Variants in ZCCHC2 observed in about 807,000 individuals in gnomAD.
ZCCHC2 encodes zinc finger CCHC domain-containing protein 2.
Under a neutral mutation model 103.6 loss-of-function variants are expected in ZCCHC2, and 39 were observed. That is an observed-to-expected ratio of 0.38 (90% CI 0.29 to 0.49). ZCCHC2 has a LOEUF of 0.49. Among genes scored for constraint, ZCCHC2 ranks in the 20% least tolerant of loss-of-function variants. The pLI, the probability that ZCCHC2 is intolerant of heterozygous loss-of-function variation, is 0.96. For synonymous variants in ZCCHC2, 687 were observed against 608.9 expected (o/e 1.13, Z -1.89); for missense variants, 1,483 against 1,491.0 (o/e 0.99, Z 0.09).
rs1407915109 is a variant in ZCCHC2, at chr18:62,523,919, A to T, written c.495A>T (p.Arg165=). 1 of 1,533,546 alleles carries T rather than the reference A, an allele frequency of 6.5e-7. No individual in the cohort carries two copies. Among genetic ancestry groups the T allele is most frequent in the Non-Finnish European group, 8.7e-7 (1 of 1,143,348 alleles). The allele number at this position is 1,533,546 out of a possible 1,614,324, so 95.0% of individuals were successfully genotyped here. The change falls in exon 1 of 14, where the codon CGA becomes CGT. Residue 165 remains arginine, a synonymous_variant. Coordinates refer to ENST00000269499, the MANE Select transcript of ZCCHC2 (RefSeq NM_017742.6). The stretch of plus-strand genomic sequence containing the variant: ...ACCCGGGGCCGCTGGCCGACTTCCG[A>T]GAGCCCGCGGTGCGCTCGCGCCTCA... ...LSDPGPLADF[R]EPAVRSRLIV...
Position 62,560,578 on chromosome 18 carries a change from C to G in ZCCHC2, c.1493-9C>G, listed in dbSNP as rs1167766676. 3 of 1,609,544 alleles carry G rather than the reference C, an allele frequency of 1.9e-6. No individual in the cohort carries two copies. Among genetic ancestry groups the G allele is most frequent in the Non-Finnish European group, 1.7e-6 (2 of 1,177,696 alleles). ...TTAGTGTAATAAGTTACTTTTTCCT[C>G]TCTTCTAGATGTGTTGCAGCATGCC... On this transcript the variant is annotated splice_polypyrimidine_tract_variant and intron_variant, in intron 7 of 13. Transcript: ENST00000269499.
At chr18:62,550,844 G>C (rs940490996) in intron 5 of ZCCHC2, among the ~76,000 whole-genome samples, 3 of 152,196 alleles carry the variant, frequency 2.0e-5, no homozygotes. Flanking sequence ...GGGCAGCCCT[G>C]CTTTCCAGCA....
chr18:62,527,851 T>A (rs994888081), intron 1 of ZCCHC2, among the ~76,000 whole-genome samples: 4 of 152,222 alleles, frequency 2.6e-5, no homozygotes, highest in Non-Finnish European at 1.5e-5. Flanking sequence ...AACAAAAAAA[T>A]GCCTATGTAT....
chr18:62,528,458 G>T (rs1914533109), intron 1 of ZCCHC2, among the ~76,000 whole-genome samples: 1 of 152,146 alleles, frequency 6.6e-6, no homozygotes. Context: ...AGTTAGCCGG[G>T]CATGGTGGCA....
rs1305880273 is a variant in ZCCHC2, at chr18:62,558,683, G to T, written c.1409-4G>T. The T allele has an allele frequency of 6.7e-6, 10 of 1,493,184 alleles. No homozygotes were observed. The highest frequency in any genetic ancestry group is 2.4e-5 in the Admixed American group (1 of 42,450). The allele number at this position is 1,493,184 out of a possible 1,614,324, so 92.5% of individuals were successfully genotyped here. On this transcript the variant is annotated splice_polypyrimidine_tract_variant and splice_region_variant and intron_variant, in intron 6 of 13. Transcript: ENST00000269499. Reference sequence around the variant, plus strand: ...AAGTTAATAGTATTGAATGCTTCCTGCAGATAACTTACAATCCTCTCTGAA... The same window carrying T: ...AAGTTAATAGTATTGAATGCTTCCTTCAGATAACTTACAATCCTCTCTGAA...
chr18:62,536,210 G>A (rs189763345), intron 1 of ZCCHC2, among the ~76,000 whole-genome samples: 11 of 152,334 alleles, frequency 7.2e-5, no homozygotes, highest in Admixed American at 2.0e-4. Flanking sequence ...ACCACATGCC[G>A]TGTAGGTTTG....
intron 3 of ZCCHC2, among the ~76,000 whole-genome samples, chr18:62,543,306 A>C (rs564011496): frequency 2.0e-5 from 3 of 152,138 alleles, no homozygotes; most frequent in Non-Finnish European, 4.4e-5. Context: ...TTTCTCCTTC[A>C]TCCATGATAC....
chr18:62,552,324 A>C (rs1568548284), intron 5 of ZCCHC2: 1 of 152,188 alleles, frequency 6.6e-6, no homozygotes, highest in African/African-American at 2.4e-5. Flanking sequence ...GGTGTCTTTG[A>C]TATGAAAAGG....
At chr18:62,576,176 A>G (rs1011884444) in intron 13 of ZCCHC2, among the ~76,000 whole-genome samples, 7 of 152,242 alleles carry the variant, frequency 4.6e-5, no homozygotes, top group Non-Finnish European at 7.3e-5. Flanking sequence ...TGTTTGAGTA[A>G]GATACCAAAT....
intron 1 of ZCCHC2, among the ~76,000 whole-genome samples, chr18:62,529,652 C>T (rs1255788936): frequency 6.6e-6 from 1 of 152,118 alleles, no homozygotes; most frequent in Middle Eastern, 3.2e-3. Flanking sequence ...ATCCTGAGTT[C>T]CTTCCCCAGT....
chr18:62,546,224 A>AT (rs1915402003), intron 4 of ZCCHC2, among the ~76,000 whole-genome samples: 1 of 152,186 alleles, frequency 6.6e-6, no homozygotes, highest in Non-Finnish European at 1.5e-5. Flanking sequence ...TGCTGTGCTC[A>AT]GTCATGGTAA....
intron 12 of ZCCHC2, among the ~76,000 whole-genome samples, chr18:62,573,181 C>G (rs1261302208): frequency 1.3e-5 from 2 of 152,216 alleles, no homozygotes; most frequent in Admixed American, 6.5e-5. Flanking sequence ...CTTATCCATA[C>G]AAGCAGAAAG....
chr18:62,528,059 A>T (rs1568535731), intron 1 of ZCCHC2, among the ~76,000 whole-genome samples: 2 of 152,252 alleles, frequency 1.3e-5, no homozygotes, highest in Admixed American at 1.3e-4. Flanking sequence ...GTGGTTATTG[A>T]TTAATATGGT....
intron 1 of ZCCHC2, among the ~76,000 whole-genome samples, chr18:62,536,413 T>C (rs994878038): frequency 1.3e-5 from 2 of 152,012 alleles, no homozygotes; most frequent in Non-Finnish European, 2.9e-5. Flanking sequence ...CCTGACACTT[T>C]TCTCCAACTA....
chr18:62,551,900 A>G (rs550430539), intron 5 of ZCCHC2: 119 of 152,342 alleles, frequency 7.8e-4, no homozygotes, highest in African/African-American at 2.6e-3. Flanking sequence ...GAGGTGGCCC[A>G]GTTTGGAAAG....
At chr18:62,524,735 G>C (rs1401020888) in intron 1 of ZCCHC2, 4 of 221,198 alleles carry the variant, frequency 1.8e-5, no homozygotes, top group Non-Finnish European at 2.6e-5. Context: ...GCCGCCGGGC[G>C]CTGGAGGAAC....
At chr18:62,563,694 A>G (rs1907136098) in intron 9 of ZCCHC2, among the ~76,000 whole-genome samples, 1 of 152,240 alleles carries the variant, frequency 6.6e-6, no homozygotes, top group Non-Finnish European at 1.5e-5. Context: ...AATTTTAAAA[A>G]TAATACCTTC....
chr18:62,554,118 G>A (rs1304430740), intron 5 of ZCCHC2, among the ~76,000 whole-genome samples: 2 of 152,130 alleles, frequency 1.3e-5, no homozygotes, highest in African/African-American at 2.4e-5. Context: ...GGAGTATGGC[G>A]GGAATTCGTA....
chr18:62,539,802 CT>C lies in ZCCHC2; in HGVS notation c.1051+16del, dbSNP rs763052526. On this transcript the variant is annotated intron_variant, in intron 2 of 13. Transcript: ENST00000269499. ...AGAGCTCAGCGAGAAGGTATGCTCT[CT>C]TTTTTGTAAACTTAAAGCATTAATA... 2 of 1,590,684 alleles carry C rather than the reference CT, an allele frequency of 1.3e-6. No individual in the cohort carries two copies. The highest frequency in any genetic ancestry group is 2.7e-5 in the African/African-American group (2 of 74,396).
Sources: gnomAD v4.1 joint callset for allele counts (sites outside exome capture counted in the v4.1 genomes callset) on GRCh38, gnomAD v4.1.1 for gene constraint, MANE v1.5 for transcripts, NCBI Gene and HGNC (gene_info 2026-07-23, HGNC 2026-07-21) for gene names.